DAAM2: variants seen among roughly 807,000 people sequenced by gnomAD.
DAAM2 encodes disheveled-associated activator of morphogenesis 2.
Under a neutral mutation model 120.7 loss-of-function variants are expected in DAAM2, and 39 were observed. The observed-to-expected ratio is 0.32, with a 90% CI of 0.25 to 0.42. DAAM2 has a LOEUF of 0.42. Ranked by LOEUF, DAAM2 falls within the 10% of genes least tolerant of loss-of-function variation. DAAM2 has a pLI of 1.00. For missense variants in DAAM2, 1,283 were observed against 1,401.7 expected (o/e 0.92, Z 1.35); for synonymous variants, 488 against 524.9 (o/e 0.93, Z 0.96).
rs746102296 is a variant in DAAM2 at position 39,901,480 on chromosome 6, G to A, written c.2982+8G>A. 2 of 1,602,222 alleles carry A rather than the reference G, an allele frequency of 1.2e-6. No homozygotes were observed. Among genetic ancestry groups the A allele is most frequent in the South Asian group, 2.2e-5 (2 of 90,514 alleles). ...GCGCGCATGGAAGCCATGGTGAGGG[G>A]CAGTGCCAGGCCTGGGACTGAGGGG... On this transcript the variant is annotated splice_region_variant and intron_variant, in intron 24 of 24. Coordinates refer to ENST00000274867, the MANE Select transcript of DAAM2 (RefSeq NM_001201427.2). This position sits in a 1 kb window ranked among gnomAD's most constrained non-coding sequence, Gnocchi z 4.5.
rs576903282 is a variant in DAAM2 at position 39,901,051 on chromosome 6, C to A, written c.2812-251C>A. 6.6e-6 allele frequency among the ~76,000 whole-genome samples: 1 copy of A among 152,252 alleles called. No individual in the cohort carries two copies. Among genetic ancestry groups the A allele is most frequent in the Non-Finnish European group, 1.5e-5 (1 of 67,998 alleles). The stretch of plus-strand genomic sequence containing the variant: ...GTCTATACCCCTGACCTCATGCCTA[C>A]CCCTTACAGGCCCAGGGGTGGCTCT... On this transcript the variant is annotated intron_variant, in intron 23 of 24. Coordinates refer to ENST00000274867, the MANE Select transcript of DAAM2 (RefSeq NM_001201427.2). The surrounding 1 kb of genome is among the most constrained non-coding windows in gnomAD (Gnocchi z 4.5).
intron 10 of DAAM2, among the ~76,000 whole-genome samples, chr6:39,874,868 GCAAT>G (rs1016606034): frequency 2.0e-5 from 3 of 152,128 alleles, no homozygotes; most frequent in African/African-American, 7.2e-5. Context: ...GTGCACACCT[GCAAT>G]CAGTTTCCCT....
Position 39,903,932 on chromosome 6 carries a change from G to C in DAAM2, c.*1895G>C. 1 of 336,650 alleles carries C rather than the reference G, an allele frequency of 3.0e-6. No homozygotes were observed. Among genetic ancestry groups the C allele is most frequent in the Non-Finnish European group, 5.8e-6 (1 of 173,334 alleles). 20.9% of individuals were successfully genotyped at this position (336,650 alleles called of 1,614,324 possible). ...AAGGCTTCCAGGCAGAACAGCTGCA[G>C]AGAGTTTGGCTATATGCATCTGCAG... is the stretch of plus-strand genomic sequence containing the variant. On this transcript the variant is annotated 3_prime_UTR_variant, in exon 25 of 25. Transcript: ENST00000274867.
At chr6:39,811,174 AGTGTGTGTGTGTGTGTGTGTGTGTGT>A (rs59432565) in intron 1 of DAAM2, among the ~76,000 whole-genome samples, 1 of 146,462 alleles carries the variant, frequency 6.8e-6, no homozygotes, top group Non-Finnish European at 1.5e-5. Flanking sequence ...AACTGAAGGG[AGTGTGTGTGTGTGTGTGTGTGTGTGT>A]GTGTGTGTGT....
chr6:39,835,912 T>G (rs919913775), intron 1 of DAAM2, among the ~76,000 whole-genome samples: 2 of 152,054 alleles, frequency 1.3e-5, no homozygotes, highest in Non-Finnish European at 2.9e-5. Flanking sequence ...CCTTATATTC[T>G]GCTTCCTTTC....
At chr6:39,840,491 G>T (rs879827230) in intron 1 of DAAM2, among the ~76,000 whole-genome samples, 2 of 152,224 alleles carry the variant, frequency 1.3e-5, no homozygotes, top group African/African-American at 4.8e-5. Flanking sequence ...GAAGTTCGGG[G>T]TGGTCCGAAG....
chr6:39,836,424 A>G (rs1240463260), intron 1 of DAAM2, among the ~76,000 whole-genome samples: 2 of 152,328 alleles, frequency 1.3e-5, no homozygotes, highest in South Asian at 4.1e-4. Flanking sequence ...TGTGTCCTTC[A>G]ACTCACAAGA....
rs1476983095 is a variant in DAAM2 at position 39,902,162 on chromosome 6, T to TG, written c.*131dup. 9.9e-5 allele frequency: 77 copies of TG among 780,898 alleles called. 1 individual carries two copies. The East Asian group carries it at 2.0e-3, about 20-fold the overall frequency. The allele number at this position is 780,898 out of a possible 1,614,324, so 48.4% of individuals were successfully genotyped here. A position where few individuals can be genotyped will look rare whatever the true frequency, so the allele number is the denominator to read the frequency against. ...TAGAGCCTTGGGCTGGGTCCTGGGA[T>TG]GGGGGGCTGTGTGTGGCTGGACCAG... is the stretch of plus-strand genomic sequence containing the variant. On this transcript the variant is annotated 3_prime_UTR_variant, in exon 25 of 25. Transcript: ENST00000274867.
intron 1 of DAAM2, among the ~76,000 whole-genome samples, chr6:39,816,292 G>A (rs1762307314): frequency 1.3e-5 from 2 of 152,126 alleles, no homozygotes; most frequent in South Asian, 4.1e-4. Context: ...TTGCAATGGG[G>A]CATATTGCTC....
rs747000529 is a variant in DAAM2 at position 39,865,124 on chromosome 6, T to TC, written c.428+51dup. ...TCCTGCTGAGTCCCTTCACAGTTGG[T>TC]CTCCTTGCCTTCCCGAAGCCCTGTG... On this transcript the variant is annotated intron_variant, in intron 5 of 24. Transcript: ENST00000274867. The TC allele has an allele frequency of 3.6e-6, 4 of 1,111,692 alleles. No individual in the cohort carries two copies. The African/African-American group carries it at 6.2e-5, about 17-fold the overall frequency. 68.9% of individuals were successfully genotyped at this position (1,111,692 alleles called of 1,614,324 possible).
intron 1 of DAAM2, chr6:39,818,800 T>C (rs1378996170): frequency 6.6e-6 from 1 of 152,192 alleles, no homozygotes; most frequent in African/African-American, 2.4e-5. Flanking sequence ...CGGAATCATC[T>C]GAAAGGGCTC....
intron 1 of DAAM2, among the ~76,000 whole-genome samples, chr6:39,827,269 C>T (rs888416970): frequency 6.6e-6 from 1 of 152,010 alleles, no homozygotes; most frequent in Non-Finnish European, 1.5e-5. Flanking sequence ...CTCAGTTTCT[C>T]GCCTGTAAAG....
intron 1 of DAAM2, among the ~76,000 whole-genome samples, chr6:39,811,526 C>T (rs1211800317): frequency 6.6e-6 from 1 of 152,138 alleles, no homozygotes; most frequent in African/African-American, 2.4e-5. Flanking sequence ...GGCAACCCCA[C>T]CCGGCACCCT....
intron 11 of DAAM2, among the ~76,000 whole-genome samples, chr6:39,877,558 T>C (rs1159588389): frequency 6.6e-6 from 1 of 152,186 alleles, no homozygotes; most frequent in Non-Finnish European, 1.5e-5. Context: ...CCAAAAGTCA[T>C]GGGTCTAACT....
intron 9 of DAAM2, 104 bp downstream of exon 9, chr6:39,871,676 C>T (rs1764669595): frequency 2.9e-6 from 3 of 1,032,892 alleles, no homozygotes; most frequent in Non-Finnish European, 4.2e-6. Context: ...CTGGTGTGGG[C>T]TGGTTCCCTG....
At chr6:39,856,113 G>A in intron 1 of DAAM2, 134 bp from the exon 2 acceptor site, 1 of 1,235,158 alleles carries the variant, frequency 8.1e-7, no homozygotes, top group Non-Finnish European at 1.0e-6. Flanking sequence ...GCGACAGCGG[G>A]GTGGGTGGGG....
chr6:39,865,340 T>G (rs1298539934), intron 5 of DAAM2, among the ~76,000 whole-genome samples: 1 of 152,166 alleles, frequency 6.6e-6, no homozygotes, highest in Admixed American at 6.5e-5. Context: ...TTTTTAAAAA[T>G]TTATTGATTT....
chr6:39,801,558 G>A (rs973859987), intron 1 of DAAM2, among the ~76,000 whole-genome samples: 11 of 152,336 alleles, frequency 7.2e-5, no homozygotes, highest in South Asian at 2.1e-4. Flanking sequence ...TCCTGCCTGC[G>A]TGCTTATTCA....
intron 5 of DAAM2, among the ~76,000 whole-genome samples, chr6:39,865,540 C>A (rs1004598322): frequency 6.6e-6 from 1 of 152,066 alleles, no homozygotes; most frequent in African/African-American, 2.4e-5. Flanking sequence ...AGAATGGGAG[C>A]AACGCAGGCA....
Sources: gnomAD v4.1 joint callset for allele counts (sites outside exome capture counted in the v4.1 genomes callset) on GRCh38, gnomAD v4.1.1 for gene constraint, Gnocchi (gnomAD v3.1) non-coding constraint, MANE v1.5 for transcripts, NCBI Gene and HGNC (gene_info 2026-07-23, HGNC 2026-07-21) for gene names.